Variants in TMPRSS13 observed in about 807,000 individuals in gnomAD.
The protein encoded by TMPRSS13 is transmembrane serine protease 13, also known as transmembrane protease serine 13.
Under a neutral mutation model 68.4 loss-of-function variants are expected in TMPRSS13, and 50 were observed. That is an observed-to-expected ratio of 0.73 (90% CI 0.58 to 0.93). The LOEUF (loss-of-function observed/expected upper bound fraction) is 0.93. Ranked by LOEUF, TMPRSS13 falls within the 40% of genes least tolerant of loss-of-function variation. TMPRSS13 has a pLI of 0.00. For missense variants in TMPRSS13, 615 were observed against 729.2 expected (o/e 0.84, Z 1.80); for synonymous variants, 267 against 285.8 (o/e 0.93, Z 0.66).
intron 10 of TMPRSS13, 146 bp from the exon 11 acceptor site, chr11:117,904,247 C>A: frequency 1.8e-6 from 2 of 1,113,462 alleles, no homozygotes; most frequent in African/African-American, 1.6e-5. Context: ...GGCTCCCACC[C>A]AAGGGAGGCC....
chr11:117,907,750 C>T (rs2057477850), intron 9 of TMPRSS13: 2 of 963,366 alleles, frequency 2.1e-6, no homozygotes, highest in African/African-American at 1.8e-5. Flanking sequence ...CCGCCTATGC[C>T]ACCATAGCTC....
At position 117,917,280 on chromosome 11, in the gene TMPRSS13, A is replaced by G; in HGVS notation, c.452-6T>C. The G allele has an allele frequency of 1.2e-6, 2 of 1,609,602 alleles. No individual in the cohort carries two copies. The highest frequency in any genetic ancestry group is 1.7e-6 in the Non-Finnish European group (2 of 1,178,786). ...GAACTTGGGCAGGCTCGTACCTAGG[A>G]GCAGGGCGGCAGCAGGGGAATATGA... On this transcript the variant is annotated splice_polypyrimidine_tract_variant and splice_region_variant and intron_variant, in intron 2 of 12. Transcript: ENST00000524993.
chr11:117,920,995 T>C (rs1341086151), intron 1 of TMPRSS13, among the ~76,000 whole-genome samples: 1 of 152,220 alleles, frequency 6.6e-6, no homozygotes, highest in Non-Finnish European at 1.5e-5. Flanking sequence ...GCCTGGTCTA[T>C]AAATGTGTGT....
rs558937364 is a variant in TMPRSS13, at chr11:117,922,171, C to T, written c.22-3333G>A. 6.6e-6 allele frequency among the ~76,000 whole-genome samples: 1 copy of T among 152,346 alleles called. No individual in the cohort carries two copies. The highest frequency in any genetic ancestry group is 1.9e-4 in the East Asian group (1 of 5,184). On this transcript the variant is annotated intron_variant, in intron 1 of 12. Coordinates refer to ENST00000524993, the MANE Select transcript of TMPRSS13 (RefSeq NM_001077263.3). The surrounding 1 kb of genome is among the most constrained non-coding windows in gnomAD (Gnocchi z 4.2). ...TCTAGCCTCCCACCGCTGGCCTGAT[C>T]TCACCCTCAGAGTAGAGGCCTTCAG... is the stretch of plus-strand genomic sequence containing the variant.
At chr11:117,909,390 G>A (rs2057496987) in intron 8 of TMPRSS13, among the ~76,000 whole-genome samples, 1 of 152,194 alleles carries the variant, frequency 6.6e-6, no homozygotes, top group Non-Finnish European at 1.5e-5. Context: ...ACCAGCTGGT[G>A]ACCGTTAGCA....
At position 117,902,350 on chromosome 11, in the gene TMPRSS13, T is replaced by C. The variant is rs561500531; in HGVS notation, c.1678-85A>G. ...GCCCAAGGTTGGGGTTCAGAACCTA[T>C]AATTTAGCCTCGCTGTCACCTAGCA... On this transcript the variant is annotated intron_variant, in intron 12 of 12. Coordinates refer to ENST00000524993, the MANE Select transcript of TMPRSS13 (RefSeq NM_001077263.3). 29 of 1,469,818 alleles carry C rather than the reference T, an allele frequency of 2.0e-5. 2 individuals are homozygous for C. In the African/African-American group the frequency reaches 2.2e-4, roughly 11 times the overall value. 91.0% of individuals were successfully genotyped at this position (1,469,818 alleles called of 1,614,324 possible).
intron 1 of TMPRSS13, among the ~76,000 whole-genome samples, chr11:117,927,724 G>A (rs1488911972): frequency 1.3e-5 from 2 of 152,186 alleles, no homozygotes; most frequent in African/African-American, 2.4e-5. Flanking sequence ...ATGGGAATAC[G>A]AGCCCCAACT....
At position 117,922,216 on chromosome 11, in the gene TMPRSS13, G is replaced by A. The variant is rs973814780; in HGVS notation, c.22-3378C>T. Among the ~76,000 whole-genome samples the A allele has an allele frequency of 2.0e-5, 3 of 152,116 alleles. No individual in the cohort carries two copies. The highest frequency in any genetic ancestry group is 7.2e-5 in the African/African-American group (3 of 41,414). Reference sequence around the variant, plus strand: ...CTTCAGCAGCTGGGGAATAGGAAGGGGAGGAGACTACTTGTTTGTTTGTTG... The same window carrying A: ...CTTCAGCAGCTGGGGAATAGGAAGGAGAGGAGACTACTTGTTTGTTTGTTG... On this transcript the variant is annotated intron_variant, in intron 1 of 12. Transcript: ENST00000524993. The surrounding 1 kb of genome is among the most constrained non-coding windows in gnomAD (Gnocchi z 4.2).
At chr11:117,924,986 G>A (rs1437538233) in intron 1 of TMPRSS13, among the ~76,000 whole-genome samples, 3 of 152,200 alleles carry the variant, frequency 2.0e-5, no homozygotes, top group East Asian at 1.9e-4. Context: ...GGGGAGCCTC[G>A]CTTCTGCTCC....
At chr11:117,919,184 T>G (rs2134913107) in intron 1 of TMPRSS13, among the ~76,000 whole-genome samples, 1 of 152,330 alleles carries the variant, frequency 6.6e-6, no homozygotes, top group East Asian at 1.9e-4. Flanking sequence ...TCACTCACTC[T>G]GAGACCTCGT....
Position 117,929,318 on chromosome 11 carries a change from G to A in TMPRSS13, c.-11C>T, listed in dbSNP as rs35251396. ...GCTGTCCCTCTCCATGGTCTCTGAG[G>A]GGAAGAGTCCTCCAGGCTTAGCTGA... On this transcript the variant is annotated 5_prime_UTR_variant, in exon 1 of 13. Transcript: ENST00000524993. 92,717 of 1,603,152 alleles carry A rather than the reference G, an allele frequency of 0.058. 3,096 individuals are homozygous for A. The highest frequency in any genetic ancestry group is 0.11 in the South Asian group (10,029 of 88,730).
chr11:117,916,562 T>C (rs73022414), intron 3 of TMPRSS13, among the ~76,000 whole-genome samples: 6,133 of 152,336 alleles, frequency 0.04, 213 homozygotes, highest in East Asian at 0.14. Context: ...CTGCCTAAAG[T>C]TTCCCACTGT....
Position 117,902,106 on chromosome 11 carries a change from AGG to A in TMPRSS13, c.*131_*132del. 2.2e-6 allele frequency: 2 copies of A among 917,236 alleles called. No homozygotes were observed. The allele number at this position is 917,236 out of a possible 1,614,324, so 56.8% of individuals were successfully genotyped here. ...CACACACACACACACACACACACAG[AGG>A]CAGCAGACAGTGGAGGTGGGAGTCC... On this transcript the variant is annotated 3_prime_UTR_variant, in exon 13 of 13. Transcript: ENST00000524993.
intron 1 of TMPRSS13, 143 bp downstream of exon 1, chr11:117,929,144 G>A (rs982622785): frequency 2.7e-5 from 16 of 602,692 alleles, no homozygotes; most frequent in Middle Eastern, 2.6e-4. Context: ...GATCTTGATC[G>A]TAAGTAGCTT....
chr11:117,911,015 C>G (rs2057517973), intron 6 of TMPRSS13, among the ~76,000 whole-genome samples: 1 of 152,192 alleles, frequency 6.6e-6, no homozygotes, highest in African/African-American at 2.4e-5. Context: ...AGACATTGGC[C>G]CAGATCCATG....
chr11:117,917,318 G>T, intron 2 of TMPRSS13, 44 bp from the exon 3 acceptor site: 1 of 1,500,368 alleles, frequency 6.7e-7, no homozygotes. Flanking sequence ...CTGGAGAGGA[G>T]TCCGACGAGA....
At chr11:117,907,666 A>G (rs769944081) in intron 9 of TMPRSS13, 17 of 322,670 alleles carry the variant, frequency 5.3e-5, no homozygotes, top group Non-Finnish European at 6.2e-5. Flanking sequence ...GTCTTCTCCA[A>G]TCTTTTCGGG....
At chr11:117,918,198 C>T (rs1020660922) in intron 2 of TMPRSS13, among the ~76,000 whole-genome samples, 1 of 152,118 alleles carries the variant, frequency 6.6e-6, no homozygotes, top group African/African-American at 2.4e-5. Context: ...TTATCACCTA[C>T]CCCCTTTGCC....
At chr11:117,917,671 G>C (rs1026295970) in intron 2 of TMPRSS13, among the ~76,000 whole-genome samples, 3 of 152,160 alleles carry the variant, frequency 2.0e-5, no homozygotes, top group Admixed American at 2.0e-4. Context: ...TGGCAGAGTA[G>C]GGATTCCAGT....
Sources: gnomAD v4.1 joint callset for allele counts (sites outside exome capture counted in the v4.1 genomes callset) on GRCh38, gnomAD v4.1.1 for gene constraint, Gnocchi (gnomAD v3.1) non-coding constraint, MANE v1.5 for transcripts, NCBI Gene and HGNC (gene_info 2026-07-23, HGNC 2026-07-21) for gene names.